Variants in RBFOX1 observed in about 807,000 individuals in gnomAD.
RBFOX1 encodes RNA binding fox-1 homolog 1.
In RBFOX1, 8 loss-of-function variants were observed where a neutral mutation model predicts 57.7. That is an observed-to-expected ratio of 0.14 (90% CI 0.08 to 0.25). RBFOX1 has a LOEUF of 0.25. Ranked by LOEUF, RBFOX1 falls within the 10% of genes least tolerant of loss-of-function variation. RBFOX1 has a pLI of 1.00. For missense variants in RBFOX1, 611 were observed against 548.5 expected, an observed-to-expected ratio of 1.11 and a Z score of -1.14; for synonymous variants, 326 against 222.4, an observed-to-expected ratio of 1.47 and a Z score of -4.15.
intron 4 of RBFOX1, among the ~76,000 whole-genome samples, chr16:7,324,573 A>T (rs749190550): frequency 2.0e-5 from 3 of 152,192 alleles, no homozygotes; most frequent in Admixed American, 6.5e-5. Flanking sequence ...CTCAGCAGAG[A>T]TGATGTGCAG....
intron 3 of RBFOX1, among the ~76,000 whole-genome samples, chr16:5,616,874 T>TC (rs2048042755): frequency 2.3e-5 from 2 of 85,304 alleles, no homozygotes; most frequent in African/African-American, 9.2e-5. Context: ...TCCCCACCCC[T>TC]CCCCTTCCTC....
At chr16:6,647,614 C>T (rs1177754577) in intron 2 of RBFOX1, among the ~76,000 whole-genome samples, 2 of 152,200 alleles carry the variant, frequency 1.3e-5, no homozygotes, top group African/African-American at 2.4e-5. Context: ...TCTCCAAATA[C>T]AGCCACACTG....
intron 1 of RBFOX1, among the ~76,000 whole-genome samples, chr16:5,294,783 C>G (rs1275535543): frequency 6.6e-6 from 1 of 151,976 alleles, no homozygotes; most frequent in East Asian, 2.0e-4. Flanking sequence ...GTAATCCCAG[C>G]ACTTTGGGAG....
At chr16:7,376,375 A>G (rs866763947) in intron 4 of RBFOX1, among the ~76,000 whole-genome samples, 8 of 152,190 alleles carry the variant, frequency 5.3e-5, no homozygotes, top group African/African-American at 1.9e-4. Flanking sequence ...TCAACGCAGC[A>G]TCGCCTTTGA....
Position 5,764,769 on chromosome 16 carries a change from C to G in RBFOX1, c.319-102534C>G, listed in dbSNP as rs926265443. On this transcript the variant is annotated intron_variant, in intron 3 of 19. Transcript: ENST00000641259. ...TCAAGTAAGGTGAAGAAAATCTGCC[C>G]TGCCTACCTGTCATTATAACCATCA... 2.0e-5 allele frequency among the ~76,000 whole-genome samples: 3 copies of G among 151,668 alleles called. No homozygotes were observed. The East Asian group carries it at 5.9e-4, about 30-fold the overall frequency.
At chr16:6,551,964 CT>C (rs1294012429) in intron 2 of RBFOX1, among the ~76,000 whole-genome samples, 2 of 152,208 alleles carry the variant, frequency 1.3e-5, no homozygotes, top group Non-Finnish European at 2.9e-5. Context: ...GGATTTGCCT[CT>C]CATCTTCTAG....
At chr16:5,626,225 G>T (rs546200803) in intron 3 of RBFOX1, among the ~76,000 whole-genome samples, 1 of 152,208 alleles carries the variant, frequency 6.6e-6, no homozygotes, top group African/African-American at 2.4e-5. Flanking sequence ...GAGGAAGGAT[G>T]GCTCAGAGTT....
intron 3 of RBFOX1, among the ~76,000 whole-genome samples, chr16:5,789,658 C>T (rs1033931875): frequency 2.0e-5 from 3 of 152,194 alleles, no homozygotes; most frequent in Admixed American, 6.5e-5. Flanking sequence ...TGACTCATGA[C>T]TATGCATTAT....
intron 2 of RBFOX1, among the ~76,000 whole-genome samples, chr16:6,587,010 T>TTG (rs140293624): frequency 0.034 from 5,117 of 150,758 alleles, 148 homozygotes; most frequent in East Asian, 0.12. Flanking sequence ...CCCCTGTTTA[T>TTG]TGTGTGTGTG....
chr16:6,936,391 TC>T (rs1306051647), intron 3 of RBFOX1, among the ~76,000 whole-genome samples: 1 of 152,188 alleles, frequency 6.6e-6, no homozygotes, highest in East Asian at 1.9e-4. Context: ...AATAAAAACT[TC>T]TTGGTGAGTT....
intron 2 of RBFOX1, among the ~76,000 whole-genome samples, chr16:6,337,583 G>A (rs1343702740): frequency 6.6e-6 from 1 of 152,314 alleles, no homozygotes; most frequent in Non-Finnish European, 1.5e-5. Context: ...CTTACAAGCA[G>A]CCCAGTAGAG....
At chr16:6,371,561 C>T (rs972412662) in intron 2 of RBFOX1, among the ~76,000 whole-genome samples, 2 of 152,034 alleles carry the variant, frequency 1.3e-5, no homozygotes, top group Non-Finnish European at 2.9e-5. Flanking sequence ...ATCCTTATTC[C>T]TTGGCACCAG....
chr16:7,266,983 A>C (rs1022708657), intron 4 of RBFOX1, among the ~76,000 whole-genome samples: 1 of 152,110 alleles, frequency 6.6e-6, no homozygotes, highest in Non-Finnish European at 1.5e-5. Context: ...CACTGAGACC[A>C]AAAAGCTCCC....
Position 6,290,215 on chromosome 16 carries a change from T to C in RBFOX1, c.-126-26780T>C, listed in dbSNP as rs56373720. Among the ~76,000 whole-genome samples, 5 of 108,516 alleles carry C rather than the reference T, an allele frequency of 4.6e-5. 1 individual carries two copies. Among genetic ancestry groups the C allele is most frequent in the South Asian group, 2.7e-4 (1 of 3,770 alleles). The allele number at this position is 108,516 out of a possible 152,430, so 71.2% of individuals were successfully genotyped here. On this transcript the variant is annotated intron_variant, in intron 1 of 15. Coordinates refer to ENST00000550418, the MANE Select transcript of RBFOX1 (RefSeq NM_018723.4). ...TATAATAAGCACCAAAATAGATTGT[T>C]GTGAGCATAGCAGTGATGTCCGTGT... is the stretch of plus-strand genomic sequence containing the variant.
chr16:6,321,976 C>G (rs566720173), intron 2 of RBFOX1, among the ~76,000 whole-genome samples: 4 of 152,184 alleles, frequency 2.6e-5, no homozygotes, highest in Non-Finnish European at 5.9e-5. Context: ...CAATGCATAA[C>G]ACTTGAAATC....
intron 3 of RBFOX1, among the ~76,000 whole-genome samples, chr16:6,997,261 T>C (rs942714342): frequency 6.6e-6 from 1 of 151,004 alleles, no homozygotes; most frequent in Non-Finnish European, 1.5e-5. Context: ...ACTCAACTTC[T>C]CCTTCTAGTA....
In RBFOX1 at chr16:6,999,222, T is replaced by TA. The variant is rs1193035297; in HGVS notation, c.-15-52835_-15-52834insA. ...TTATTTTTTATTTTTATTTATTTTT[T>TA]TTATTTATTTTTTTTTTTAGAGATC... On this transcript the variant is annotated intron_variant, in intron 3 of 15. Transcript: ENST00000550418. 9.7e-3 allele frequency among the ~76,000 whole-genome samples: 1,038 copies of TA among 106,692 alleles called. 37 individuals carry two copies. Among genetic ancestry groups the TA allele is most frequent in the African/African-American group, 0.03 (973 of 32,284 alleles). The allele number at this position is 106,692 out of a possible 152,430, so 70.0% of individuals were successfully genotyped here.
At chr16:6,952,494 C>G (rs1445402664) in intron 3 of RBFOX1, among the ~76,000 whole-genome samples, 1 of 151,610 alleles carries the variant, frequency 6.6e-6, no homozygotes, top group African/African-American at 2.4e-5. Context: ...AAAAAATTAG[C>G]AGGTGTGGTC....
intron 4 of RBFOX1, among the ~76,000 whole-genome samples, chr16:7,055,277 A>C (rs959430124): frequency 7.9e-5 from 12 of 152,168 alleles, no homozygotes; most frequent in African/African-American, 2.9e-4. Flanking sequence ...CATACTCTTG[A>C]GATCATATCA....
Sources: allele counts gnomAD v4.1 joint callset (sites outside exome capture counted in the v4.1 genomes callset), GRCh38; gene constraint gnomAD v4.1.1; transcripts MANE v1.5; gene names NCBI Gene and HGNC (gene_info 2026-07-23, HGNC 2026-07-21).